The following KCNC3 variants were observed in gnomAD, a reference collection of about 807,000 sequenced individuals.
KCNC3 encodes potassium voltage-gated channel subfamily C member 3.
Under a neutral mutation model 43.9 loss-of-function variants are expected in KCNC3, and 22 were observed. That is an observed-to-expected ratio of 0.50 (90% CI 0.36 to 0.72). The LOEUF (loss-of-function observed/expected upper bound fraction) is 0.72. Ranked by LOEUF, KCNC3 falls within the 30% of genes least tolerant of loss-of-function variation. The pLI is 0.00. For missense variants in KCNC3, 829 were observed against 1,073.8 expected, an observed-to-expected ratio of 0.77 and a Z score of 3.19; for synonymous variants, 492 against 488.0, an observed-to-expected ratio of 1.01 and a Z score of -0.11.
At position 50,320,710 on chromosome 19, in the gene KCNC3, T is replaced by C. The variant is rs1274148456; in HGVS notation, c.2053A>G (p.Met685Val). The C allele has an allele frequency of 1.9e-6, 3 of 1,613,802 alleles. No homozygotes were observed. The highest frequency in any genetic ancestry group is 4.5e-5 in the East Asian group (2 of 44,848). Residue 685 changes from methionine (M) to valine (V), a missense_variant, in exon 3 of 5, where the codon ATG (methionine) becomes GTG (valine). Coordinates refer to ENST00000477616, the MANE Select transcript of KCNC3 (RefSeq NM_004977.3). ...ATGGGGCTCTTGTCTTCCGGGGACA[T>C]GGCAGGCTGGTCAATGGCTGGGCAG... ...EDCPAIDQPA[M>V]SPEDKSPITP... is the part of the protein sequence containing the mutation.
chr19:50,324,870 G>A lies in KCNC3; in HGVS notation c.871-788C>T, dbSNP rs187535746. ...TGCCACAGAGGGGAGGTGGGGGTCCGGGCCCTTAAGGGAGGAGGGGTTGAA... is the reference window on the plus strand; with the variant it reads ...TGCCACAGAGGGGAGGTGGGGGTCCAGGCCCTTAAGGGAGGAGGGGTTGAA... On this transcript the variant is annotated intron_variant, in intron 1 of 4. Transcript: ENST00000477616. The surrounding 1 kb of genome is among the most constrained non-coding windows in gnomAD (Gnocchi z 4.1). 4.3e-4 allele frequency among the ~76,000 whole-genome samples: 65 copies of A among 152,086 alleles called. No individual in the cohort carries two copies. The highest frequency in any genetic ancestry group is 1.2e-3 in the Admixed American group (19 of 15,272).
In KCNC3 at chr19:50,320,274, G is replaced by T; in HGVS notation, c.2246C>A (p.Ala749Asp). The T allele has an allele frequency of 9.3e-7, 1 of 1,079,774 alleles. No individual in the cohort carries two copies. The highest frequency in any genetic ancestry group is 1.2e-6 in the Non-Finnish European group (1 of 812,346). 66.9% of individuals were successfully genotyped at this position (1,079,774 alleles called of 1,614,324 possible). A position where few individuals can be genotyped will look rare whatever the true frequency, so the allele number is the denominator to read the frequency against. Residue 749 changes from alanine (A) to aspartate (D), a missense_variant, in exon 4 of 5, where the codon GCC becomes GAC. Coordinates refer to ENST00000477616, the MANE Select transcript of KCNC3 (RefSeq NM_004977.3). Reference sequence around the variant, plus strand: ...GGGGGATATCCAGGCCGCGGCGTTGGCGTTGAGGTCGGGCAAGAAGCTTGG... The same window carrying T: ...GGGGGATATCCAGGCCGCGGCGTTGTCGTTGAGGTCGGGCAAGAAGCTTGG... ...GPPSFLPDLNANAAAWISP is the reference protein window; with the variant it reads ...GPPSFLPDLNDNAAAWISP
chr19:50,313,142 G>T lies in KCNC3; in HGVS notation c.*2973C>A, dbSNP rs2036902257. ...GGTGTGGTCTCTGGGCTTGGGGGAG[G>T]TAGCGCATCCTTGAGCCAGGATAGG... On this transcript the variant is annotated 3_prime_UTR_variant, in exon 5 of 5. Transcript: ENST00000477616. 6.6e-6 allele frequency: 1 copy of T among 152,112 alleles called. No homozygotes were observed. Among genetic ancestry groups the T allele is most frequent in the East Asian group, 1.9e-4 (1 of 5,166 alleles). The allele number at this position is 152,112 out of a possible 1,614,324, so 9.4% of individuals were successfully genotyped here. A position where few individuals can be genotyped will look rare whatever the true frequency, so the allele number is the denominator to read the frequency against.
chr19:50,323,220 T>G lies in KCNC3; in HGVS notation c.1733A>C (p.Asp578Ala). Residue 578 changes from aspartate to alanine, a missense_variant, in exon 2 of 5, where the codon GAC becomes GCC. Asp to Ala is a moderately radical substitution (Grantham distance 126). This residue lies in a region of KCNC3 where 308 missense variants were observed against 276.2 expected (regional missense o/e 1.11). Transcript: ENST00000477616. ...GTGGGGCGGGGGTGGCGGGGGTGGG[T>G]CAGGCTTGCAGTAGTTGGGCGAGCC... ...QPGSPNYCKP[D>A]PPPPPPPHPH... 1 of 1,544,058 alleles carries G rather than the reference T, an allele frequency of 6.5e-7. No individual in the cohort carries two copies. The highest frequency in any genetic ancestry group is 1.2e-5 in the South Asian group (1 of 85,454).
rs1056485490 is a variant in KCNC3 at position 50,312,047 on chromosome 19, T to C, written c.*4068A>G. 8.6e-5 allele frequency: 13 copies of C among 151,902 alleles called. No homozygotes were observed. The highest frequency in any genetic ancestry group is 2.7e-4 in the African/African-American group (11 of 41,408). 9.4% of individuals were successfully genotyped at this position (151,902 alleles called of 1,614,324 possible). ...GGGGTGACATGCGGCAGCTTCTGCA[T>C]TGGGCGGTTCATGCACCCAGGGTGG... On this transcript the variant is annotated 3_prime_UTR_variant, in exon 5 of 5. Transcript: ENST00000477616.
rs113369338 is a variant in KCNC3 at position 50,322,932 on chromosome 19, C to T, written c.1978+43G>A. The T allele has an allele frequency of 3.4e-5, 53 of 1,542,000 alleles. 1 individual carries two copies. The South Asian group carries it at 3.6e-4, about 11-fold the overall frequency. On this transcript the variant is annotated intron_variant, in intron 2 of 4. Coordinates refer to ENST00000477616, the MANE Select transcript of KCNC3 (RefSeq NM_004977.3). ...CGGCAGCTACCTCCCCAGTCCTCCC[C>T]GGGTCTCCACCTGTGCCCCCGATCC...
At position 50,323,599 on chromosome 19, in the gene KCNC3, T is replaced by C. The variant is rs749022670; in HGVS notation, c.1354A>G (p.Ile452Val). 8 of 1,614,098 alleles carry C rather than the reference T, an allele frequency of 5.0e-6. No individual in the cohort carries two copies. The highest frequency in any genetic ancestry group is 1.7e-5 in the Admixed American group (1 of 60,016). ...RASTNEFLLL[I>V]IFLALGVLIF... ...AGCACCCCCAGGGCCAGGAAGATGA[T>C]GAGCAGCAGGAACTCGTTGGTGCTG... is the stretch of plus-strand genomic sequence containing the variant. The change falls in exon 2 of 5, where the codon ATC becomes GTC. Residue 452 changes from isoleucine to valine, a missense_variant. By Grantham distance (29) the Ile-to-Val change is conservative (BLOSUM62 3). This residue lies in a region of KCNC3 where 157 missense variants were observed against 293.5 expected (regional missense o/e 0.53). Coordinates refer to ENST00000477616, the MANE Select transcript of KCNC3 (RefSeq NM_004977.3).
In KCNC3 at chr19:50,315,014, A is replaced by T; in HGVS notation, c.*1101T>A. 1 of 253,514 alleles carries T rather than the reference A, an allele frequency of 3.9e-6. No individual in the cohort carries two copies. The highest frequency in any genetic ancestry group is 2.4e-5 in the African/African-American group (1 of 41,964). 15.7% of individuals were successfully genotyped at this position (253,514 alleles called of 1,614,324 possible). A position where few individuals can be genotyped will look rare whatever the true frequency, so the allele number is the denominator to read the frequency against. ...ACCTGGGGGGTGGGGAGGTGTGCAG[A>T]CACAGGGGGGAAGCACGAAGATGGG... On this transcript the variant is annotated 3_prime_UTR_variant, in exon 5 of 5. Coordinates refer to ENST00000477616, the MANE Select transcript of KCNC3 (RefSeq NM_004977.3).
At position 50,324,345 on chromosome 19, in the gene KCNC3, C is replaced by T. The variant is rs2037076363; in HGVS notation, c.871-263G>A. On this transcript the variant is annotated intron_variant, in intron 1 of 4. Transcript: ENST00000477616. The surrounding 1 kb of genome is among the most constrained non-coding windows in gnomAD (Gnocchi z 4.1). ...GACGCAGCAGATGGGCAGCTTCTTT[C>T]CTTGGAAACATTTCTGGCCCCTTGC... is the stretch of plus-strand genomic sequence containing the variant. Among the ~76,000 whole-genome samples the T allele has an allele frequency of 1.3e-5, 2 of 152,228 alleles. No individual in the cohort carries two copies. The highest frequency in any genetic ancestry group is 1.3e-4 in the Admixed American group (2 of 15,290).
chr19:50,321,414 C>T (rs933266016), intron 2 of KCNC3, among the ~76,000 whole-genome samples: 5 of 152,022 alleles, frequency 3.3e-5, no homozygotes, highest in African/African-American at 1.2e-4. Context: ...CTGCAGTGAG[C>T]CATAATAGTT....
chr19:50,322,081 C>T (rs575577595), intron 2 of KCNC3, among the ~76,000 whole-genome samples: 280 of 151,476 alleles, frequency 1.8e-3, no homozygotes, highest in Admixed American at 3.6e-3. Flanking sequence ...ACTGGGTCAG[C>T]GGCTGAGGGA....
In KCNC3 at chr19:50,324,221, CT is replaced by C. The variant is rs1212508970; in HGVS notation, c.871-140del. Reference sequence around the variant, plus strand: ...TGGGCAAAATCCAGGTGTCTCAGCCCTGTGGCTCCATCACTTCCAGAATCCC... The same window carrying C: ...TGGGCAAAATCCAGGTGTCTCAGCCCGTGGCTCCATCACTTCCAGAATCCC... On this transcript the variant is annotated intron_variant, in intron 1 of 4. Coordinates refer to ENST00000477616, the MANE Select transcript of KCNC3 (RefSeq NM_004977.3). This position sits in a 1 kb window ranked among gnomAD's most constrained non-coding sequence, Gnocchi z 4.1. 1 of 740,766 alleles carries C rather than the reference CT, an allele frequency of 1.3e-6. No individual in the cohort carries two copies. Among genetic ancestry groups the C allele is most frequent in the African/African-American group, 1.8e-5 (1 of 56,162 alleles). The allele number at this position is 740,766 out of a possible 1,614,324, so 45.9% of individuals were successfully genotyped here.
Position 50,320,768 on chromosome 19 carries a change from C to G in KCNC3, c.1995G>C (p.Gly665=). The G allele has an allele frequency of 1.9e-6, 3 of 1,613,800 alleles. No individual in the cohort carries two copies. The highest frequency in any genetic ancestry group is 2.5e-6 in the Non-Finnish European group (3 of 1,179,938). The stretch of plus-strand genomic sequence containing the variant: ...GGGCAAGCGCAGCTGCTGCCGGATC[C>G]CCATTGGGGCGAGGATCTGCATCCC... ...EINRADPRPN[G]DPAAAALAHE... Residue 665 remains glycine (G), a synonymous_variant, in exon 3 of 5, where the codon GGG becomes GGC. Transcript: ENST00000477616.
In KCNC3 at chr19:50,326,924, G is replaced by GC. The variant is rs925716152; in HGVS notation, c.870+1288_870+1289insG. 2.0e-4 allele frequency among the ~76,000 whole-genome samples: 29 copies of GC among 146,788 alleles called. 1 individual carries two copies. Among genetic ancestry groups the GC allele is most frequent in the East Asian group, 3.9e-4 (2 of 5,164 alleles). On this transcript the variant is annotated intron_variant, in intron 1 of 4. Coordinates refer to ENST00000477616, the MANE Select transcript of KCNC3 (RefSeq NM_004977.3). Reference sequence around the variant, plus strand: ...GCTAGGTTCTGGGTTTTGCACGGCGGGGGGGGAGGTTCGAGAAAGGAAGAG... The same window carrying GC: ...GCTAGGTTCTGGGTTTTGCACGGCGGCGGGGGGAGGTTCGAGAAAGGAAGAG...
Position 50,324,202 on chromosome 19 carries a change from A to G in KCNC3, c.871-120T>C. ...GCCTCCTGGGCCCAAACTCTGGGCA[A>G]AATCCAGGTGTCTCAGCCCTGTGGC... On this transcript the variant is annotated intron_variant, in intron 1 of 4. Coordinates refer to ENST00000477616, the MANE Select transcript of KCNC3 (RefSeq NM_004977.3). This position sits in a 1 kb window ranked among gnomAD's most constrained non-coding sequence, Gnocchi z 4.1. 1.0e-6 allele frequency: 1 copy of G among 956,386 alleles called. No homozygotes were observed. Among genetic ancestry groups the G allele is most frequent in the Non-Finnish European group, 1.5e-6 (1 of 657,290 alleles). 59.2% of individuals were successfully genotyped at this position (956,386 alleles called of 1,614,324 possible). A position where few individuals can be genotyped will look rare whatever the true frequency, so the allele number is the denominator to read the frequency against.
At chr19:50,330,884 G>A (rs1224888331), upstream of KCNC3, among the ~76,000 whole-genome samples, 1 of 152,030 alleles carries the variant, frequency 6.6e-6, no homozygotes, top group Non-Finnish European at 1.5e-5. Context: ...GGCTCAGGGG[G>A]CTGGGGCGGG....
chr19:50,313,609 C>G lies in KCNC3; in HGVS notation c.*2506G>C, dbSNP rs1178302369. On this transcript the variant is annotated 3_prime_UTR_variant, in exon 5 of 5. Coordinates refer to ENST00000477616, the MANE Select transcript of KCNC3 (RefSeq NM_004977.3). Reference sequence around the variant, plus strand: ...GGGTGCTTGGGGAGGGTCTGGTTCCCTGGAATTGCAGACAGGTTGCGCCTA... The same window carrying G: ...GGGTGCTTGGGGAGGGTCTGGTTCCGTGGAATTGCAGACAGGTTGCGCCTA... The G allele has an allele frequency of 6.6e-6, 1 of 152,124 alleles. No individual in the cohort carries two copies. Among genetic ancestry groups the G allele is most frequent in the African/African-American group, 2.4e-5 (1 of 41,402 alleles). 9.4% of individuals were successfully genotyped at this position (152,124 alleles called of 1,614,324 possible).
At position 50,323,151 on chromosome 19, in the gene KCNC3, G is replaced by A; in HGVS notation, c.1802C>T (p.Thr601Ile). Residue 601 changes from threonine (T) to isoleucine (I), a missense_variant, in exon 2 of 5, where the codon ACC becomes ATC. By Grantham distance (89) the Thr-to-Ile change is moderately conservative. Around this residue, in one of 7 missense-constraint regions of KCNC3, gnomAD observed 308 missense variants for 276.2 expected, o/e 1.11. Coordinates refer to ENST00000477616, the MANE Select transcript of KCNC3 (RefSeq NM_004977.3). ...CACAGTCACCCCCATGGAGGGTGGG[G>A]TGATGGGTGGCGGCGGGCTGATGCC... ...SGGISPPPPI[T>I]PPSMGVTVAG... 6.5e-7 allele frequency: 1 copy of A among 1,534,198 alleles called. No individual in the cohort carries two copies. The highest frequency in any genetic ancestry group is 8.7e-7 in the Non-Finnish European group (1 of 1,144,432).
chr19:50,320,870 C>T, intron 2 of KCNC3, 86 bp from the exon 3 acceptor site: 4 of 1,321,948 alleles, frequency 3.0e-6, no homozygotes, highest in African/African-American at 1.4e-5. Context: ...CTGCGAGGAG[C>T]AGATGCTGGG....
Sources: allele counts gnomAD v4.1 joint callset (sites outside exome capture counted in the v4.1 genomes callset), GRCh38; gene constraint gnomAD v4.1.1; regional missense constraint gnomAD v4.1.1; non-coding constraint Gnocchi (gnomAD v3.1); transcripts MANE v1.5; gene names NCBI Gene and HGNC (gene_info 2026-07-23, HGNC 2026-07-21).